The following CACNA2D3 variants were observed in gnomAD, a reference collection of about 807,000 sequenced individuals.
CACNA2D3 encodes the protein voltage-dependent calcium channel subunit alpha-2/delta-3.
In CACNA2D3, 60 loss-of-function variants were observed where a neutral mutation model predicts 160.6. The observed-to-expected ratio is 0.37, with a 90% CI of 0.30 to 0.46. CACNA2D3 has a LOEUF of 0.46. Ranked by LOEUF, CACNA2D3 falls within the 20% of genes least tolerant of loss-of-function variation. The pLI is 1.00. For missense variants in CACNA2D3, 1,205 were observed against 1,365.0 expected (o/e 0.88, Z 1.85); for synonymous variants, 558 against 492.9 (o/e 1.13, Z -1.75).
intron 5 of CACNA2D3, among the ~76,000 whole-genome samples, chr3:54,532,881 T>C (rs1701827155): frequency 2.6e-5 from 4 of 152,216 alleles, no homozygotes; most frequent in Admixed American, 2.6e-4. Context: ...TTTCATACTG[T>C]TTTCCATAGA....
chr3:54,175,443 C>T (rs571199014), intron 2 of CACNA2D3, among the ~76,000 whole-genome samples: 32 of 151,678 alleles, frequency 2.1e-4, no homozygotes, highest in African/African-American at 5.6e-4. Flanking sequence ...GGTGAAACCC[C>T]GTCTCTACTA....
intron 2 of CACNA2D3, among the ~76,000 whole-genome samples, chr3:54,203,583 T>A (rs1156308116): frequency 2.0e-5 from 3 of 152,160 alleles, no homozygotes; most frequent in Non-Finnish European, 2.9e-5. Context: ...TTTTATTGAG[T>A]GGAAGCAGCT....
chr3:54,510,885 G>A (rs1701448427), intron 5 of CACNA2D3, among the ~76,000 whole-genome samples: 2 of 152,174 alleles, frequency 1.3e-5, no homozygotes, highest in Admixed American at 6.5e-5. Flanking sequence ...CAAACCAGAT[G>A]GGTTACCGTC....
intron 4 of CACNA2D3, among the ~76,000 whole-genome samples, chr3:54,489,052 A>G (rs944868402): frequency 2.6e-5 from 4 of 152,176 alleles, no homozygotes; most frequent in African/African-American, 7.2e-5. Flanking sequence ...TGGAGCTACC[A>G]GCAGAGACCA....
chr3:54,863,415 C>A (rs1482501857), intron 17 of CACNA2D3, among the ~76,000 whole-genome samples: 2 of 152,172 alleles, frequency 1.3e-5, no homozygotes, highest in African/African-American at 4.8e-5. Context: ...CTCTCCCTCC[C>A]TGCTTTCAGA....
chr3:54,451,229 C>CTTTTTTTTTTTTTTTTTTTTTTTTTT, intron 4 of CACNA2D3, among the ~76,000 whole-genome samples: 1 of 51,732 alleles, frequency 1.9e-5, no homozygotes, highest in Non-Finnish European at 3.2e-5. Flanking sequence ...ATATAATAAT[C>CTTTTTTTTTTTTTTTTTTTTTTTTTT]TTTTTTTTTT....
chr3:54,173,681 G>T (rs889336470), intron 2 of CACNA2D3, among the ~76,000 whole-genome samples: 1 of 152,206 alleles, frequency 6.6e-6, no homozygotes, highest in Non-Finnish European at 1.5e-5. Context: ...GCACAGGTAC[G>T]TCTAAAAGAT....
chr3:54,650,971 A>G (rs1471657851), intron 11 of CACNA2D3, among the ~76,000 whole-genome samples: 1 of 152,094 alleles, frequency 6.6e-6, no homozygotes, highest in Non-Finnish European at 1.5e-5. Context: ...ATCCCCTTTC[A>G]CAGTTGAGGA....
chr3:54,760,674 A>T (rs187437263), intron 12 of CACNA2D3, among the ~76,000 whole-genome samples: 59 of 151,962 alleles, frequency 3.9e-4, no homozygotes, highest in African/African-American at 1.4e-3. Flanking sequence ...AGCAGTGGAG[A>T]TTGGGAAGTG....
chr3:54,963,564 T>C (rs1232585818), intron 27 of CACNA2D3, among the ~76,000 whole-genome samples: 1 of 152,210 alleles, frequency 6.6e-6, no homozygotes, highest in Non-Finnish European at 1.5e-5. Context: ...TGGCCACTAA[T>C]TTGGACAGCA....
At chr3:54,910,529 G>A (rs1700533683) in intron 27 of CACNA2D3, among the ~76,000 whole-genome samples, 1 of 152,082 alleles carries the variant, frequency 6.6e-6, no homozygotes, top group Non-Finnish European at 1.5e-5. Flanking sequence ...CCTTTACTTG[G>A]TTCTTAGCTG....
intron 35 of CACNA2D3, among the ~76,000 whole-genome samples, chr3:55,025,222 A>C (rs534199148): frequency 6.6e-6 from 1 of 152,356 alleles, no homozygotes; most frequent in South Asian, 2.1e-4. Flanking sequence ...AGTGACCTAA[A>C]GATTTCAAAC....
intron 5 of CACNA2D3, among the ~76,000 whole-genome samples, chr3:54,519,198 G>A (rs187293618): frequency 2.4e-5 from 2 of 84,540 alleles, no homozygotes; most frequent in African/African-American, 4.6e-5. Flanking sequence ...TTTCACACTC[G>A]TGGAGTCATC....
Position 54,867,367 on chromosome 3 carries a change from T to C in CACNA2D3, c.1627-4172T>C, listed in dbSNP as rs145748479. Reference sequence around the variant, plus strand: ...GGAAAACAGTGAGGCATTTTATAAATCACATGTTCCTCAATAATCATGGAA... The same window carrying C: ...GGAAAACAGTGAGGCATTTTATAAACCACATGTTCCTCAATAATCATGGAA... On this transcript the variant is annotated intron_variant, in intron 17 of 37. Transcript: ENST00000474759. Among the ~76,000 whole-genome samples the C allele has an allele frequency of 5.1e-3, 778 of 152,164 alleles. 7 individuals are homozygous for C. The highest frequency in any genetic ancestry group is 0.018 in the African/African-American group (752 of 41,518).
intron 2 of CACNA2D3, among the ~76,000 whole-genome samples, chr3:54,250,784 G>A (rs990790798): frequency 2.0e-5 from 3 of 152,086 alleles, no homozygotes; most frequent in African/African-American, 4.8e-5. Flanking sequence ...GCAACTCCTA[G>A]GGGGCTTACA....
chr3:54,468,505 C>G (rs781645580), intron 4 of CACNA2D3, among the ~76,000 whole-genome samples: 1 of 152,158 alleles, frequency 6.6e-6, no homozygotes, highest in African/African-American at 2.4e-5. Flanking sequence ...ATGGGGCAGC[C>G]GTTTGGTCAG....
intron 3 of CACNA2D3, among the ~76,000 whole-genome samples, chr3:54,338,339 C>T (rs368763066): frequency 1.5e-3 from 221 of 152,302 alleles, no homozygotes; most frequent in African/African-American, 5.1e-3. Context: ...TGCTCTTTTT[C>T]TTTTCTGAAC....
intron 14 of CACNA2D3, among the ~76,000 whole-genome samples, chr3:54,823,268 T>C (rs952119361): frequency 2.0e-5 from 3 of 152,184 alleles, no homozygotes; most frequent in African/African-American, 7.2e-5. Flanking sequence ...TTTTCAGATT[T>C]ATTTGAACAT....
intron 2 of CACNA2D3, among the ~76,000 whole-genome samples, chr3:54,140,441 G>A (rs533175339): frequency 6.6e-6 from 1 of 152,246 alleles, no homozygotes; most frequent in South Asian, 2.1e-4. Context: ...TCTTCCACTC[G>A]CCCCACTTTC....
Sources: allele counts gnomAD v4.1 joint callset (sites outside exome capture counted in the v4.1 genomes callset), GRCh38; gene constraint gnomAD v4.1.1; transcripts MANE v1.5; gene names NCBI Gene and HGNC (gene_info 2026-07-23, HGNC 2026-07-21).